The following ZMYM6 variants were observed in gnomAD, a reference collection of about 807,000 sequenced individuals.
ZMYM6 encodes zinc finger MYM-type protein 6.
ZMYM6 carries 90 observed loss-of-function variants against 134.0 expected under a neutral mutation model. The ratio of observed to expected loss-of-function variants is 0.67; its 90% CI spans 0.57 to 0.80. The LOEUF (loss-of-function observed/expected upper bound fraction) is 0.80. ZMYM6 is among the 30% of genes least tolerant of loss of function. ZMYM6 has a pLI of 0.00. For synonymous variants in ZMYM6, 481 were observed against 524.1 expected, an observed-to-expected ratio of 0.92 and a Z score of 1.12; for missense variants, 1,362 against 1,533.9, an observed-to-expected ratio of 0.89 and a Z score of 1.87.
intron 2 of ZMYM6, among the ~76,000 whole-genome samples, chr1:35,025,718 T>C (rs1413663456): frequency 6.6e-6 from 1 of 152,158 alleles, no homozygotes; most frequent in Non-Finnish European, 1.5e-5. Context: ...GAAAACAAAG[T>C]AACTAATACA....
chr1:35,001,852 C>A (rs1640886645), intron 14 of ZMYM6, among the ~76,000 whole-genome samples: 1 of 152,174 alleles, frequency 6.6e-6, no homozygotes, highest in South Asian at 2.1e-4. Flanking sequence ...TACCTCTCCA[C>A]ATTACAGTGA....
At position 34,987,093 on chromosome 1, in the gene ZMYM6, T is replaced by C; in HGVS notation, c.*11A>G. On this transcript the variant is annotated 3_prime_UTR_variant, in exon 16 of 16. Transcript: ENST00000357182. ...GATTATTGACTTCACTGTTAAGCAATGTGCATATTGCTACTCTTTCTCCTT... is the reference window on the plus strand; with the variant it reads ...GATTATTGACTTCACTGTTAAGCAACGTGCATATTGCTACTCTTTCTCCTT... 6.6e-7 allele frequency: 1 copy of C among 1,512,428 alleles called. No homozygotes were observed. The highest frequency in any genetic ancestry group is 8.9e-7 in the Non-Finnish European group (1 of 1,129,430). The allele number at this position is 1,512,428 out of a possible 1,614,324, so 93.7% of individuals were successfully genotyped here. A position where few individuals can be genotyped will look rare whatever the true frequency, so the allele number is the denominator to read the frequency against.
intron 14 of ZMYM6, among the ~76,000 whole-genome samples, chr1:34,995,344 G>A (rs1187401198): frequency 1.3e-5 from 2 of 149,222 alleles, no homozygotes; most frequent in African/African-American, 2.5e-5. Context: ...ATGTATATAC[G>A]TTGTATATGT....
chr1:35,016,139 C>T (rs914594561), intron 4 of ZMYM6, among the ~76,000 whole-genome samples: 7 of 151,850 alleles, frequency 4.6e-5, no homozygotes, highest in Non-Finnish European at 8.8e-5. Flanking sequence ...TTAGTACAGA[C>T]GGGGTTTCGC....
intron 4 of ZMYM6, among the ~76,000 whole-genome samples, 165 bp from the exon 5 acceptor site, chr1:35,015,327 GA>G (rs1237134856): frequency 6.6e-6 from 1 of 152,140 alleles, no homozygotes; most frequent in African/African-American, 2.4e-5. Context: ...TTTATCAGGT[GA>G]GTGACAATGA....
chr1:34,994,373 TC>T (rs1230075785), intron 14 of ZMYM6, among the ~76,000 whole-genome samples: 1 of 152,114 alleles, frequency 6.6e-6, no homozygotes, highest in African/African-American at 2.4e-5. Context: ...TTTGAATTAT[TC>T]AAAAGAGTAA....
chr1:34,995,372 G>A (rs1640766401), intron 14 of ZMYM6, among the ~76,000 whole-genome samples: 1 of 149,568 alleles, frequency 6.7e-6, no homozygotes, highest in Non-Finnish European at 1.5e-5. Context: ...TTGCCTCTAT[G>A]TATATAGGGT....
intron 15 of ZMYM6, among the ~76,000 whole-genome samples, chr1:34,991,626 C>T (rs1274558411): frequency 6.6e-6 from 1 of 151,900 alleles, no homozygotes; most frequent in Non-Finnish European, 1.5e-5. Context: ...AAAAATTAGC[C>T]GGGCATGGTG....
At chr1:35,006,832 G>A in intron 12 of ZMYM6, 119 bp downstream of exon 12, 1 of 1,019,118 alleles carries the variant, frequency 9.8e-7, no homozygotes, top group Non-Finnish European at 1.3e-6. Context: ...AAAAATTTAA[G>A]GAAATTCAGG....
chr1:35,015,549 C>G (rs1641166509), intron 4 of ZMYM6, among the ~76,000 whole-genome samples: 1 of 151,148 alleles, frequency 6.6e-6, no homozygotes, highest in African/African-American at 2.4e-5. Context: ...CATGGTGAAA[C>G]CTCGTCTCTA....
chr1:35,027,532 TGAGGTCAG>T (rs1641436399), intron 2 of ZMYM6, among the ~76,000 whole-genome samples: 1 of 152,054 alleles, frequency 6.6e-6, no homozygotes, highest in South Asian at 2.1e-4. Context: ...GAGGATTGCT[TGAGGTCAG>T]GAGTTCAGGA....
chr1:35,000,208 C>A (rs567586960), intron 14 of ZMYM6, among the ~76,000 whole-genome samples: 3 of 151,834 alleles, frequency 2.0e-5, no homozygotes, highest in African/African-American at 7.3e-5. Context: ...GGATTACAGG[C>A]GTGAGCCACC....
At chr1:34,993,996 T>A (rs1430334249) in intron 14 of ZMYM6, among the ~76,000 whole-genome samples, 1 of 138,890 alleles carries the variant, frequency 7.2e-6, no homozygotes, top group African/African-American at 3.4e-5. Context: ...AAAAGTAAAG[T>A]TTTTTAATCC....
At chr1:35,013,568 ATTC>A (rs999934179) in intron 6 of ZMYM6, 11 of 985,326 alleles carry the variant, frequency 1.1e-5, no homozygotes, top group Non-Finnish European at 2.4e-6. Flanking sequence ...AAAAAAAGAG[ATTC>A]TTTTCAGTGA....
intron 14 of ZMYM6, among the ~76,000 whole-genome samples, chr1:34,994,763 C>T (rs1268527240): frequency 4.0e-5 from 6 of 151,614 alleles, no homozygotes; most frequent in Admixed American, 4.0e-4. Flanking sequence ...GAATGACTGC[C>T]GTCCACCCAG....
intron 6 of ZMYM6, chr1:35,013,799 C>G (rs11263927): frequency 0.041 from 16,568 of 408,852 alleles, 834 homozygotes; most frequent in East Asian, 0.38. Context: ...TCAAGCAATT[C>G]TCCTGCCTCA....
At chr1:35,028,242 G>C (rs921773203) in intron 2 of ZMYM6, among the ~76,000 whole-genome samples, 1 of 151,440 alleles carries the variant, frequency 6.6e-6, no homozygotes, top group African/African-American at 2.4e-5. Flanking sequence ...CTTGAACCTG[G>C]GAGGCGGAGG....
At position 35,030,516 on chromosome 1, in the gene ZMYM6, T is replaced by C. The variant is rs1025889766; in HGVS notation, c.93+31A>G. On this transcript the variant is annotated intron_variant, in intron 2 of 15. Coordinates refer to ENST00000357182, the MANE Select transcript of ZMYM6 (RefSeq NM_007167.4). ...ACCAGATGGAAAAGAAGGAATTTTT[T>C]TAAATTTTTAAATGAAGATGAAATG... 2.5e-6 allele frequency: 4 copies of C among 1,576,296 alleles called. No homozygotes were observed. The African/African-American group carries it at 5.5e-5, about 22-fold the overall frequency.
At position 35,014,986 on chromosome 1, in the gene ZMYM6, AC is replaced by A. The variant is rs748948821; in HGVS notation, c.603+1del. 1.2e-6 allele frequency: 2 copies of A among 1,610,234 alleles called. No homozygotes were observed. Among genetic ancestry groups the A allele is most frequent in the Non-Finnish European group, 1.7e-6 (2 of 1,179,208 alleles). ...TCCCAATAAAAGTAAAATGTAACTT[AC>A]ATCAGCATTCTTCTGACACATACTG... On this transcript the variant is annotated splice_donor_variant, in intron 5 of 15. Coordinates refer to ENST00000357182, the MANE Select transcript of ZMYM6 (RefSeq NM_007167.4). LOFTEE classifies it high-confidence loss of function.
Sources: gnomAD v4.1 joint callset for allele counts (sites outside exome capture counted in the v4.1 genomes callset) on GRCh38, gnomAD v4.1.1 for gene constraint, MANE v1.5 for transcripts, NCBI Gene and HGNC (gene_info 2026-07-23, HGNC 2026-07-21) for gene names.